The following SLC38A3 variants were observed in gnomAD, a reference collection of about 807,000 sequenced individuals.
SLC38A3 encodes the protein sodium-coupled neutral amino acid transporter 3.
SLC38A3 carries 17 observed loss-of-function variants against 59.5 expected under a neutral mutation model. The observed-to-expected ratio is 0.29, with a 90% CI of 0.20 to 0.43. SLC38A3 has a LOEUF of 0.43. SLC38A3 is among the 20% of genes least tolerant of loss of function. SLC38A3 has a pLI of 1.00. For synonymous variants in SLC38A3, 238 were observed against 260.3 expected, an observed-to-expected ratio of 0.91 and a Z score of 0.82; for missense variants, 454 against 653.9, an observed-to-expected ratio of 0.69 and a Z score of 3.33.
Position 50,215,895 on chromosome 3 carries a change from T to TGGGGG in SLC38A3, c.548+75_548+76insGGGGG. 1 of 37,212 alleles carries TGGGGG rather than the reference T, an allele frequency of 2.7e-5. No homozygotes were observed. Among genetic ancestry groups the TGGGGG allele is most frequent in the South Asian group, 2.7e-4 (1 of 3,764 alleles). 2.3% of individuals were successfully genotyped at this position (37,212 alleles called of 1,614,324 possible). On this transcript the variant is annotated intron_variant, in intron 7 of 15. Transcript: ENST00000614032. This position sits in a 1 kb window ranked among gnomAD's most constrained non-coding sequence, Gnocchi z 7.1. ...AGGGGTGGGGTGGGGTGGGGCTGGG[T>TGGGGG]GAGGGTGGGGGGGCCCAGGCTGGGC...
intron 1 of SLC38A3, among the ~76,000 whole-genome samples, chr3:50,211,880 G>A (rs748033003): frequency 2.0e-5 from 3 of 152,076 alleles, no homozygotes; most frequent in East Asian, 1.9e-4. Context: ...GAGCCACTGC[G>A]CCCGGCACCC....
chr3:50,205,601 G>A (rs918930940), intron 1 of SLC38A3, among the ~76,000 whole-genome samples: 9 of 152,258 alleles, frequency 5.9e-5, no homozygotes, highest in African/African-American at 2.2e-4. Context: ...CGTCGCCTTA[G>A]GGCCTCTCGG....
chr3:50,216,993 T>C (rs191787249), intron 7 of SLC38A3, among the ~76,000 whole-genome samples: 1 of 152,312 alleles, frequency 6.6e-6, no homozygotes, highest in African/African-American at 2.4e-5. Flanking sequence ...CAGGCTGGTC[T>C]CGAACTCCTG....
intron 1 of SLC38A3, among the ~76,000 whole-genome samples, chr3:50,211,440 C>T (rs1246078779): frequency 6.6e-6 from 1 of 152,180 alleles, no homozygotes; most frequent in Admixed American, 6.5e-5. Flanking sequence ...TACTGCACCT[C>T]AGGGCCTCTG....
In SLC38A3 at chr3:50,218,232, A is replaced by G. The variant is rs1699848728; in HGVS notation, c.936-38A>G. The G allele has an allele frequency of 6.0e-6, 8 of 1,337,154 alleles. No individual in the cohort carries two copies. The highest frequency in any genetic ancestry group is 8.7e-6 in the Non-Finnish European group (8 of 924,842). The allele number at this position is 1,337,154 out of a possible 1,614,324, so 82.8% of individuals were successfully genotyped here. ...ACATGGGGGTCTCCCAATGTTACCC[A>G]GCTTGTCACCAACACCCACCCCCCC... On this transcript the variant is annotated intron_variant, in intron 11 of 15. Transcript: ENST00000614032. The surrounding 1 kb of genome is among the most constrained non-coding windows in gnomAD (Gnocchi z 5.8).
Position 50,214,900 on chromosome 3 carries a change from C to T in SLC38A3, c.299+132C>T. The T allele has an allele frequency of 1.5e-6, 1 of 678,244 alleles. No individual in the cohort carries two copies. The highest frequency in any genetic ancestry group is 2.6e-6 in the Non-Finnish European group (1 of 383,876). The allele number at this position is 678,244 out of a possible 1,614,324, so 42.0% of individuals were successfully genotyped here. On this transcript the variant is annotated intron_variant, in intron 4 of 15. Coordinates refer to ENST00000614032, the MANE Select transcript of SLC38A3 (RefSeq NM_006841.6). The surrounding 1 kb of genome is among the most constrained non-coding windows in gnomAD (Gnocchi z 6.0). ...GGTGGGCACTTCTTACACTAACAAA[C>T]CGCGGCTGAAAAAAACATCCACAGC...
At chr3:50,208,825 C>T (rs934673935) in intron 1 of SLC38A3, among the ~76,000 whole-genome samples, 2 of 152,150 alleles carry the variant, frequency 1.3e-5, no homozygotes, top group African/African-American at 4.8e-5. Flanking sequence ...TATGCATGGA[C>T]GCATGGAGCT....
intron 1 of SLC38A3, among the ~76,000 whole-genome samples, chr3:50,206,883 G>T (rs974497259): frequency 1.3e-5 from 2 of 152,246 alleles, no homozygotes; most frequent in Non-Finnish European, 2.9e-5. Flanking sequence ...CAGGTTGCCA[G>T]ATCATGACAA....
chr3:50,209,045 C>G (rs1293070875), intron 1 of SLC38A3, among the ~76,000 whole-genome samples: 1 of 152,226 alleles, frequency 6.6e-6, no homozygotes, highest in African/African-American at 2.4e-5. Flanking sequence ...ATTTGGCCGC[C>G]TCCAGGGGAT....
Position 50,218,801 on chromosome 3 carries a change from C to G in SLC38A3, c.1162-3C>G. The stretch of plus-strand genomic sequence containing the variant: ...CTGATGATTCTTCTCACCTGCCCCC[C>G]AGGTGCGCCGCGCCATCCAGCAGAT... On this transcript the variant is annotated splice_polypyrimidine_tract_variant and splice_region_variant and intron_variant, in intron 13 of 15. Coordinates refer to ENST00000614032, the MANE Select transcript of SLC38A3 (RefSeq NM_006841.6). This position sits in a 1 kb window ranked among gnomAD's most constrained non-coding sequence, Gnocchi z 5.8. 6.2e-7 allele frequency: 1 copy of G among 1,604,716 alleles called. No individual in the cohort carries two copies. The highest frequency in any genetic ancestry group is 8.5e-7 in the Non-Finnish European group (1 of 1,172,066).
chr3:50,210,322 G>C (rs773241276), intron 1 of SLC38A3, among the ~76,000 whole-genome samples: 1 of 152,162 alleles, frequency 6.6e-6, no homozygotes, highest in Non-Finnish European at 1.5e-5. Context: ...GGATAATCAC[G>C]ATGGACCCTC....
intron 1 of SLC38A3, among the ~76,000 whole-genome samples, chr3:50,206,264 G>T (rs1181928960): frequency 6.6e-6 from 1 of 152,268 alleles, no homozygotes; most frequent in African/African-American, 2.4e-5. Context: ...CTCTCAAACA[G>T]GTCTGAGAAA....
chr3:50,215,137 G>A lies in SLC38A3; in HGVS notation c.300-249G>A. The A allele has an allele frequency of 1.7e-6, 1 of 579,086 alleles. No individual in the cohort carries two copies. The highest frequency in any genetic ancestry group is 2.9e-5 in the East Asian group (1 of 34,570). The allele number at this position is 579,086 out of a possible 1,614,324, so 35.9% of individuals were successfully genotyped here. A position where few individuals can be genotyped will look rare whatever the true frequency, so the allele number is the denominator to read the frequency against. Reference sequence around the variant, plus strand: ...TTTCAAGGACTCAAGAGGAGGACGTGCTCAGAGGGCAGTCACAGGGACACT... The same window carrying A: ...TTTCAAGGACTCAAGAGGAGGACGTACTCAGAGGGCAGTCACAGGGACACT... On this transcript the variant is annotated intron_variant, in intron 4 of 15. Transcript: ENST00000614032. This position sits in a 1 kb window ranked among gnomAD's most constrained non-coding sequence, Gnocchi z 7.1.
chr3:50,217,608 G>T lies in SLC38A3; in HGVS notation c.691-68G>T. On this transcript the variant is annotated intron_variant, in intron 9 of 15. Transcript: ENST00000614032. This position sits in a 1 kb window ranked among gnomAD's most constrained non-coding sequence, Gnocchi z 4.9. ...CTCCACCAGTCCTGATCTAGATGTG[G>T]CTTCATGGTGACTTCCCAGGCAGTC... 2 of 1,595,588 alleles carry T rather than the reference G, an allele frequency of 1.3e-6. No homozygotes were observed. The highest frequency in any genetic ancestry group is 1.7e-6 in the Non-Finnish European group (2 of 1,167,126).
Position 50,217,902 on chromosome 3 carries a change from C to T in SLC38A3, c.856-15C>T. The T allele has an allele frequency of 6.2e-7, 1 of 1,613,990 alleles. No homozygotes were observed. ...GAGTGGCAGACTGCCTTGACACAGC[C>T]CCGTGTTTCCCCAGACAGCATACAC... On this transcript the variant is annotated splice_polypyrimidine_tract_variant and intron_variant, in intron 10 of 15. Coordinates refer to ENST00000614032, the MANE Select transcript of SLC38A3 (RefSeq NM_006841.6). The surrounding 1 kb of genome is among the most constrained non-coding windows in gnomAD (Gnocchi z 4.9).
At position 50,218,245 on chromosome 3, in the gene SLC38A3, C is replaced by T. The variant is rs753947912; in HGVS notation, c.936-25C>T. On this transcript the variant is annotated intron_variant, in intron 11 of 15. Transcript: ENST00000614032. This position sits in a 1 kb window ranked among gnomAD's most constrained non-coding sequence, Gnocchi z 5.8. ...CCAATGTTACCCAGCTTGTCACCAA[C>T]ACCCACCCCCCCACTTCCCCACAGC... The T allele has an allele frequency of 7.0e-6, 10 of 1,421,860 alleles. No individual in the cohort carries two copies. The highest frequency in any genetic ancestry group is 1.0e-5 in the Non-Finnish European group (10 of 1,003,238). 88.1% of individuals were successfully genotyped at this position (1,421,860 alleles called of 1,614,324 possible).
intron 14 of SLC38A3, 71 bp downstream of exon 14, chr3:50,219,019 A>T: frequency 7.7e-6 from 12 of 1,560,734 alleles, no homozygotes; most frequent in Non-Finnish European, 1.0e-5. Flanking sequence ...ATCCTGGCAG[A>T]TTCCTGAGCT....
Position 50,220,149 on chromosome 3 carries a change from G to T in SLC38A3, c.1487G>T (p.Gly496Val). The T allele has an allele frequency of 6.3e-7, 1 of 1,598,594 alleles. No homozygotes were observed. Residue 496 changes from glycine (G) to valine (V), a missense_variant, in exon 16 of 16, where the codon GGG becomes GTG. Around this residue, in one of 3 missense-constraint regions of SLC38A3, gnomAD observed 59 missense variants for 70.8 expected, o/e 0.83. Coordinates refer to ENST00000614032, the MANE Select transcript of SLC38A3 (RefSeq NM_006841.6). ...LSFIIIDWAS[G>V]TSRHGGNH ...TTCATCATCATTGACTGGGCCTCAG[G>T]GACCAGCCGGCATGGAGGAAACCAC...
rs377411986 is a variant in SLC38A3, at chr3:50,218,382, C to G, written c.1036+12C>G. On this transcript the variant is annotated intron_variant, in intron 12 of 15. Coordinates refer to ENST00000614032, the MANE Select transcript of SLC38A3 (RefSeq NM_006841.6). This position sits in a 1 kb window ranked among gnomAD's most constrained non-coding sequence, Gnocchi z 5.8. Reference sequence around the variant, plus strand: ...CCTCACCTTCTACAGTACGGTGGCACCGGTGGGCAGAGGCCTAGGCTAGGC... The same window carrying G: ...CCTCACCTTCTACAGTACGGTGGCAGCGGTGGGCAGAGGCCTAGGCTAGGC... The G allele has an allele frequency of 6.9e-6, 11 of 1,588,402 alleles. No homozygotes were observed. The highest frequency in any genetic ancestry group is 9.5e-6 in the Non-Finnish European group (11 of 1,156,588).
Sources: allele counts gnomAD v4.1 joint callset (sites outside exome capture counted in the v4.1 genomes callset), GRCh38; gene constraint gnomAD v4.1.1; regional missense constraint gnomAD v4.1.1; non-coding constraint Gnocchi (gnomAD v3.1); transcripts MANE v1.5; gene names NCBI Gene and HGNC (gene_info 2026-07-23, HGNC 2026-07-21).